SH3BGR: variants seen among roughly 807,000 people sequenced by gnomAD.
SH3BGR encodes the protein SH3 domain-binding glutamic acid-rich protein.
Under a neutral mutation model 24.5 loss-of-function variants are expected in SH3BGR, and 29 were observed. That is an observed-to-expected ratio of 1.18 (90% CI 0.88 to 1.61). SH3BGR has a LOEUF of 1.61. SH3BGR is among the 40% of genes most tolerant of loss of function. The pLI is 0.00. For synonymous variants in SH3BGR, 55 were observed against 65.7 expected (o/e 0.84, Z 0.79); for missense variants, 162 against 205.8 (o/e 0.79, Z 1.30).
chr21:39,454,982 A>G (rs1845418040), intron 1 of SH3BGR, among the ~76,000 whole-genome samples: 1 of 152,236 alleles, frequency 6.6e-6, no homozygotes, highest in African/African-American at 2.4e-5. Context: ...AGATGAAGAA[A>G]TTGGAGATCA....
chr21:39,504,336 C>G (rs902135870), intron 4 of SH3BGR, among the ~76,000 whole-genome samples: 14 of 152,176 alleles, frequency 9.2e-5, no homozygotes, highest in Admixed American at 8.5e-4. Context: ...AGGACTCTGC[C>G]TCTGTCCTCT....
chr21:39,495,841 C>A (rs1433344482), intron 3 of SH3BGR, among the ~76,000 whole-genome samples: 1 of 152,036 alleles, frequency 6.6e-6, no homozygotes, highest in East Asian at 1.9e-4. Context: ...AGATAATTCA[C>A]CATCATCAAA....
chr21:39,509,973 C>T (rs1278812276), intron 5 of SH3BGR, among the ~76,000 whole-genome samples: 12 of 127,218 alleles, frequency 9.4e-5, no homozygotes, highest in African/African-American at 1.8e-4. Context: ...GACGGAGTCC[C>T]GCTGTTTAGC....
chr21:39,475,080 TAAAC>T (rs2078005539), intron 2 of SH3BGR, 51 bp from the exon 3 acceptor site: 1 of 1,105,354 alleles, frequency 9.0e-7, no homozygotes, highest in Non-Finnish European at 1.4e-6. Context: ...TTTCCGTAAA[TAAAC>T]TGGCTCACAA....
chr21:39,485,895 A>T (rs945462789), intron 3 of SH3BGR, among the ~76,000 whole-genome samples: 1 of 151,658 alleles, frequency 6.6e-6, no homozygotes, highest in Non-Finnish European at 1.5e-5. Context: ...TCACTGTGTT[A>T]GCCAGGATGG....
At chr21:39,451,914 C>T, upstream of SH3BGR, 1 of 1,614,060 alleles carries the variant, frequency 6.2e-7, no homozygotes, top group Non-Finnish European at 8.5e-7. Context: ...CAAGATGCCT[C>T]TGCTGCTCCT....
chr21:39,510,163 C>T (rs2078653534), intron 5 of SH3BGR, among the ~76,000 whole-genome samples: 1 of 126,538 alleles, frequency 7.9e-6, no homozygotes, highest in Non-Finnish European at 1.7e-5. Flanking sequence ...AAGATGGTCT[C>T]GATCTCCTGA....
At chr21:39,493,698 C>T (rs1458724148) in intron 3 of SH3BGR, among the ~76,000 whole-genome samples, 2 of 152,098 alleles carry the variant, frequency 1.3e-5, no homozygotes, top group African/African-American at 4.8e-5. Flanking sequence ...TTGTAGATTG[C>T]ATTTGGCCGT....
intron 2 of SH3BGR, among the ~76,000 whole-genome samples, chr21:39,473,541 T>C (rs1019932186): frequency 5.9e-5 from 9 of 152,140 alleles, no homozygotes; most frequent in Non-Finnish European, 1.3e-4. Context: ...AATTAATCAC[T>C]GAGAGACTTG....
chr21:39,477,620 C>T (rs935631703), intron 3 of SH3BGR, among the ~76,000 whole-genome samples: 2 of 152,162 alleles, frequency 1.3e-5, no homozygotes, highest in Non-Finnish European at 2.9e-5. Flanking sequence ...TGGCTTTGAA[C>T]GTGCCTCCAG....
Position 39,509,027 on chromosome 21 carries a change from G to A in SH3BGR, c.435G>A (p.Glu145=). Residue 145 remains glutamate, a splice_region_variant and synonymous_variant, in exon 5 of 7, where the codon GAG becomes GAA. Transcript: ENST00000333634. ...AAGAAGGAGAGACAGCCACAGAAGAGGTACGGTCGACCATCTTTAACAGCT... is the reference window on the plus strand; with the variant it reads ...AAGAAGGAGAGACAGCCACAGAAGAAGTACGGTCGACCATCTTTAACAGCT... ...NEEEGETATE[E]TEEIAMEGAE... 6.2e-7 allele frequency: 1 copy of A among 1,608,446 alleles called. No homozygotes were observed. The highest frequency in any genetic ancestry group is 1.3e-5 in the African/African-American group (1 of 74,936).
In SH3BGR at chr21:39,502,001, C is replaced by T. The variant is rs144274536; in HGVS notation, c.405+2086C>T. 1.4e-3 allele frequency among the ~76,000 whole-genome samples: 209 copies of T among 152,276 alleles called. 2 individuals carry two copies. The highest frequency in any genetic ancestry group is 4.5e-3 in the African/African-American group (187 of 41,554). On this transcript the variant is annotated intron_variant, in intron 4 of 6. Transcript: ENST00000333634. Reference sequence around the variant, plus strand: ...CAGTCTGGCCAACATGGTAAAACCCCGTCTCTACTAAAAATACAAAAATTA... The same window carrying T: ...CAGTCTGGCCAACATGGTAAAACCCTGTCTCTACTAAAAATACAAAAATTA...
chr21:39,462,692 T>C, intron 2 of SH3BGR, 132 bp downstream of exon 2: 1 of 535,398 alleles, frequency 1.9e-6, no homozygotes, highest in South Asian at 3.8e-5. Flanking sequence ...TGCCATCCAA[T>C]AGCTGGATGG....
At chr21:39,490,549 A>C (rs963696231) in intron 3 of SH3BGR, among the ~76,000 whole-genome samples, 9 of 152,192 alleles carry the variant, frequency 5.9e-5, no homozygotes, top group African/African-American at 2.2e-4. Flanking sequence ...CAGCTTCTGT[A>C]ATTATCAGCT....
At chr21:39,465,758 TG>T (rs1210187002) in intron 2 of SH3BGR, among the ~76,000 whole-genome samples, 2 of 152,150 alleles carry the variant, frequency 1.3e-5, no homozygotes, top group African/African-American at 2.4e-5. Flanking sequence ...ACCTCGCTAA[TG>T]TTTTTTATTT....
intron 4 of SH3BGR, among the ~76,000 whole-genome samples, chr21:39,504,760 A>C (rs1266901488): frequency 6.6e-6 from 1 of 152,214 alleles, no homozygotes; most frequent in African/African-American, 2.4e-5. Context: ...TACATAGATA[A>C]CTTTTAAGGA....
intron 3 of SH3BGR, among the ~76,000 whole-genome samples, chr21:39,476,029 A>G (rs2078021991): frequency 6.6e-6 from 1 of 152,260 alleles, no homozygotes; most frequent in Non-Finnish European, 1.5e-5. Context: ...CACACGTGGA[A>G]GCTGCGAACG....
chr21:39,461,177 C>T (rs2077749598), intron 1 of SH3BGR, among the ~76,000 whole-genome samples: 2 of 143,542 alleles, frequency 1.4e-5, no homozygotes, highest in African/African-American at 5.3e-5. Flanking sequence ...GCTCTTGTTG[C>T]CCAGGCTGGA....
chr21:39,489,067 CATAAA>C (rs2078256795), intron 3 of SH3BGR, among the ~76,000 whole-genome samples: 2 of 152,142 alleles, frequency 1.3e-5, no homozygotes, highest in African/African-American at 4.8e-5. Flanking sequence ...AGGCATCAAA[CATAAA>C]ATAAAACACA....
Sources: allele counts gnomAD v4.1 joint callset (sites outside exome capture counted in the v4.1 genomes callset), GRCh38; gene constraint gnomAD v4.1.1; transcripts MANE v1.5; gene names NCBI Gene and HGNC (gene_info 2026-07-23, HGNC 2026-07-21).